The following WDFY3 variants were observed in gnomAD, a reference collection of about 807,000 sequenced individuals.
WDFY3 encodes the protein WD repeat and FYVE domain containing 3.
In WDFY3, 66 loss-of-function variants were observed where a neutral mutation model predicts 409.6. The ratio of observed to expected loss-of-function variants is 0.16; its 90% CI spans 0.13 to 0.20. WDFY3 has a LOEUF of 0.20. Among genes scored for constraint, WDFY3 ranks in the 10% least tolerant of loss-of-function variants. The pLI is 1.00. For synonymous variants in WDFY3, 1,521 were observed against 1,537.1 expected (o/e 0.99, Z 0.25); for missense variants, 3,031 against 4,298.1 (o/e 0.71, Z 8.24).
intron 3 of WDFY3, among the ~76,000 whole-genome samples, chr4:84,873,331 C>A (rs2150332390): frequency 6.6e-6 from 1 of 152,212 alleles, no homozygotes; most frequent in Non-Finnish European, 1.5e-5. Context: ...AAAGTATGCT[C>A]CCAGGTCAGA....
chr4:84,704,106 G>T (rs557150032), intron 55 of WDFY3, among the ~76,000 whole-genome samples: 1 of 152,274 alleles, frequency 6.6e-6, no homozygotes, highest in Admixed American at 6.5e-5. Context: ...GTTGAAAAAT[G>T]TATGCTACTT....
intron 5 of WDFY3, chr4:84,844,657 T>A: frequency 2.2e-6 from 1 of 451,368 alleles, no homozygotes. Context: ...GGTTTAACAG[T>A]GGCACCTAGC....
chr4:84,810,038 T>C lies in WDFY3; in HGVS notation c.2194A>G (p.Ser732Gly), dbSNP rs2149727418. 1 of 1,614,230 alleles carries C rather than the reference T, an allele frequency of 6.2e-7. No individual in the cohort carries two copies. Among genetic ancestry groups the C allele is most frequent in the East Asian group, 2.2e-5 (1 of 44,888 alleles). Residue 732 changes from serine to glycine, a missense_variant, in exon 14 of 68, where the codon AGC (serine) becomes GGC (glycine). Physicochemically the swap from Ser to Gly is moderately conservative, Grantham distance 56 (BLOSUM62 0). Transcript: ENST00000295888. ...LGCFSDLRKI[S>G]AMNVFPSNTQ... is the part of the protein sequence containing the mutation. Reference sequence around the variant, plus strand: ...TTTGAGGGGAAGACATTCATGGCGCTTATTTTTCTTAGGTCTGAGAAGCAG... The same window carrying C: ...TTTGAGGGGAAGACATTCATGGCGCCTATTTTTCTTAGGTCTGAGAAGCAG...
intron 2 of WDFY3, among the ~76,000 whole-genome samples, chr4:84,918,872 CAT>C (rs1429071864): frequency 1.1e-3 from 169 of 151,256 alleles, no homozygotes; most frequent in Middle Eastern, 6.9e-3. Context: ...TACACACACA[CAT>C]GTGTACATTT....
intron 5 of WDFY3, among the ~76,000 whole-genome samples, chr4:84,848,396 G>C (rs1397833568): frequency 6.6e-6 from 1 of 152,108 alleles, no homozygotes; most frequent in East Asian, 1.9e-4. Context: ...CACAGAACCT[G>C]ATACTTACTT....
rs546670619 is a variant in WDFY3 at position 84,818,355 on chromosome 4, T to C, written c.1694-770A>G. 5.3e-5 allele frequency among the ~76,000 whole-genome samples: 8 copies of C among 152,228 alleles called. No homozygotes were observed. In the East Asian group the frequency reaches 1.5e-3, roughly 29 times the overall value. On this transcript the variant is annotated intron_variant, in intron 12 of 67. Coordinates refer to ENST00000295888, the MANE Select transcript of WDFY3 (RefSeq NM_014991.6). ...ACTAATTAGTATTTCCTCTAAGTAA[T>C]TCTTCTATCCCTTACGTTTTTAGGG...
chr4:84,688,994 T>G (rs912856337), intron 61 of WDFY3, among the ~76,000 whole-genome samples: 2 of 152,234 alleles, frequency 1.3e-5, no homozygotes, highest in Admixed American at 1.3e-4. Context: ...TGTTAGTAGT[T>G]CCTAAGTACT....
In WDFY3 at chr4:84,810,134, G is replaced by A; in HGVS notation, c.2098C>T (p.Pro700Ser). Reference protein sequence around the residue: ...CTLTAAMRYEPANSHFFKTEI... With the variant: ...CTLTAAMRYESANSHFFKTEI... ...GTTTTGAAGAAATGAGAGTTGGCTG[G>A]CTCATAGCGCATTGCTGCAGTCAAC... Residue 700 changes from proline (P) to serine (S), a missense_variant, in exon 14 of 68, where the codon CCA (proline) becomes TCA (serine). By Grantham distance (74) the Pro-to-Ser change is moderately conservative. Transcript: ENST00000295888. 6.2e-7 allele frequency: 1 copy of A among 1,614,148 alleles called. No homozygotes were observed. The highest frequency in any genetic ancestry group is 8.5e-7 in the Non-Finnish European group (1 of 1,180,010).
intron 1 of WDFY3, among the ~76,000 whole-genome samples, chr4:84,943,233 G>C (rs1163192216): frequency 1.3e-5 from 2 of 152,074 alleles, no homozygotes; most frequent in African/African-American, 4.8e-5. Context: ...TGGGTGTGGT[G>C]GCTCACACCT....
At position 84,961,129 on chromosome 4, in the gene WDFY3, C is replaced by T. The variant is rs550108255; in HGVS notation, c.-226+5080G>A. On this transcript the variant is annotated intron_variant, in intron 1 of 67. Coordinates refer to ENST00000295888, the MANE Select transcript of WDFY3 (RefSeq NM_014991.6). Reference sequence around the variant, plus strand: ...ACTCGGGTGGCTGAGGCAGGAGAATCGCTTGAACCCGAGAGGTGGAGGCTG... The same window carrying T: ...ACTCGGGTGGCTGAGGCAGGAGAATTGCTTGAACCCGAGAGGTGGAGGCTG... Among the ~76,000 whole-genome samples, 8 of 151,400 alleles carry T rather than the reference C, an allele frequency of 5.3e-5. No homozygotes were observed. In the East Asian group the frequency reaches 1.4e-3, roughly 26 times the overall value.
At chr4:84,735,176 G>A in intron 42 of WDFY3, 56 bp from the exon 43 acceptor site, 1 of 1,476,598 alleles carries the variant, frequency 6.8e-7, no homozygotes, top group Non-Finnish European at 9.3e-7. Context: ...GAAAAAAATA[G>A]TTAATTACCC....
In WDFY3 at chr4:84,735,104, A is replaced by T; in HGVS notation, c.6932T>A (p.Met2311Lys). The T allele has an allele frequency of 6.2e-7, 1 of 1,613,108 alleles. No homozygotes were observed. The highest frequency in any genetic ancestry group is 8.5e-7 in the Non-Finnish European group (1 of 1,179,868). ...SLSTQEISQW[M>K]FTHIAVVRDL... ...ACGAACAACAGCAATGTGAGTAAAC[A>T]TCCACTGCGAAATCTCCTAACAATG... The change falls in exon 43 of 68, where the codon ATG (methionine) becomes AAG (lysine). Residue 2311 changes from methionine to lysine, a missense_variant. Physicochemically the swap from Met to Lys is moderately conservative, Grantham distance 95 (BLOSUM62 -1). This residue lies in a region of WDFY3 where 98 missense variants were observed against 194.9 expected (regional missense o/e 0.50). Coordinates refer to ENST00000295888, the MANE Select transcript of WDFY3 (RefSeq NM_014991.6).
intron 36 of WDFY3, among the ~76,000 whole-genome samples, chr4:84,744,638 G>A (rs966413449): frequency 6.6e-6 from 1 of 151,676 alleles, no homozygotes; most frequent in Non-Finnish European, 1.5e-5. Context: ...CGGATCACGA[G>A]GTCAGGAGAT....
At position 84,841,150 on chromosome 4, in the gene WDFY3, T is replaced by C. The variant is rs1275922234; in HGVS notation, c.414+4A>G. The stretch of plus-strand genomic sequence containing the variant: ...GTTATCAAACATGAAAACTAAGAAC[T>C]TACCTGACCAGAGGAAGCTAACAAA... On this transcript the variant is annotated splice_donor_region_variant and intron_variant, in intron 6 of 67. Coordinates refer to ENST00000295888, the MANE Select transcript of WDFY3 (RefSeq NM_014991.6). The C allele has an allele frequency of 8.8e-6, 14 of 1,596,540 alleles. No individual in the cohort carries two copies. Among genetic ancestry groups the C allele is most frequent in the Non-Finnish European group, 9.4e-6 (11 of 1,175,962 alleles).
intron 52 of WDFY3, 86 bp from the exon 53 acceptor site, chr4:84,709,114 A>C: frequency 6.5e-7 from 1 of 1,536,048 alleles, no homozygotes; most frequent in Non-Finnish European, 8.8e-7. Flanking sequence ...AAATGATGTA[A>C]AGGACAGTTT....
At chr4:84,772,802 C>T in intron 30 of WDFY3, 33 bp downstream of exon 30, 1 of 1,556,400 alleles carries the variant, frequency 6.4e-7, no homozygotes, top group Non-Finnish European at 8.8e-7. Context: ...TTTAGTTGAC[C>T]ACTATCTTCT....
chr4:84,785,912 T>C, intron 24 of WDFY3, 67 bp downstream of exon 24: 1 of 1,564,244 alleles, frequency 6.4e-7, no homozygotes, highest in Non-Finnish European at 8.7e-7. Flanking sequence ...GTAGTATCCA[T>C]ATGAGACTCT....
At chr4:84,704,560 A>G in intron 54 of WDFY3, 116 bp from the exon 55 acceptor site, 1 of 697,726 alleles carries the variant, frequency 1.4e-6, no homozygotes. Context: ...CACTAAATGC[A>G]ATTAGTACTG....
chr4:84,717,806 T>C (rs1734187280), intron 48 of WDFY3, among the ~76,000 whole-genome samples: 1 of 152,100 alleles, frequency 6.6e-6, no homozygotes, highest in African/African-American at 2.4e-5. Flanking sequence ...CCCAACACTT[T>C]GGGAGGCCGA....
Sources: allele counts gnomAD v4.1 joint callset (sites outside exome capture counted in the v4.1 genomes callset), GRCh38; gene constraint gnomAD v4.1.1; regional missense constraint gnomAD v4.1.1; transcripts MANE v1.5; gene names NCBI Gene and HGNC (gene_info 2026-07-23, HGNC 2026-07-21).